Variants in NCAN observed in about 807,000 individuals in gnomAD.
NCAN encodes neurocan core protein.
NCAN carries 47 observed loss-of-function variants against 121.8 expected under a neutral mutation model. That is an observed-to-expected ratio of 0.39 (90% CI 0.31 to 0.49). The LOEUF is 0.49. NCAN is among the 20% of genes least tolerant of loss of function. The pLI, the probability that NCAN is intolerant of heterozygous loss-of-function variation, is 0.92. For synonymous variants in NCAN, 633 were observed against 702.0 expected (o/e 0.90, Z 1.55); for missense variants, 1,517 against 1,773.4 (o/e 0.86, Z 2.60).
chr19:19,221,224 C>T (rs997850457), intron 3 of NCAN, among the ~76,000 whole-genome samples: 1 of 145,460 alleles, frequency 6.9e-6, no homozygotes. Context: ...CTGGGCAACA[C>T]AGCAAGACCC....
chr19:19,217,063 A>C (rs1486267912), intron 2 of NCAN, 37 bp downstream of exon 2: 1 of 1,298,154 alleles, frequency 7.7e-7, no homozygotes, highest in Non-Finnish European at 9.9e-7. Context: ...ATTGGGGTCT[A>C]GGGGATGGAC....
intron 10 of NCAN, among the ~76,000 whole-genome samples, chr19:19,237,113 G>C (rs2060883759): frequency 1.3e-5 from 2 of 151,284 alleles, no homozygotes; most frequent in African/African-American, 4.9e-5. Context: ...AGTAGAGATG[G>C]GGCCAGGCTG....
In NCAN at chr19:19,228,122, G is replaced by A. The variant is rs1186441185; in HGVS notation, c.2502G>A (p.Thr834=). 14 of 1,613,540 alleles carry A rather than the reference G, an allele frequency of 8.7e-6. No individual in the cohort carries two copies. The highest frequency in any genetic ancestry group is 1.3e-5 in the African/African-American group (1 of 74,910). ...TGAATCCCATGGATTCCACAGTCAC[G>A]CCGGCCCCCAGTGATGCTAGTGGAA... ...PTVNPMDSTV[T]PAPSDASGIW... is the part of the protein sequence containing the mutation. The change falls in exon 8 of 15, where the codon ACG becomes ACA. Residue 834 remains threonine (T), a synonymous_variant. Coordinates refer to ENST00000252575, the MANE Select transcript of NCAN (RefSeq NM_004386.3).
At chr19:19,245,063 G>A (rs2060919466) in intron 12 of NCAN, among the ~76,000 whole-genome samples, 1 of 152,108 alleles carries the variant, frequency 6.6e-6, no homozygotes, top group South Asian at 2.1e-4. Flanking sequence ...AACTGGGTGC[G>A]GCCGGGCACC....
In NCAN at chr19:19,215,481, C is replaced by T. The variant is rs1012591527; in HGVS notation, c.-7-1466C>T. On this transcript the variant is annotated intron_variant, in intron 1 of 14. Transcript: ENST00000252575. ...TGGCATGGGCTTTGCTCACAGTAGG[C>T]GCTTAATAATTGTCCACTTTATCCC... 5.3e-5 allele frequency among the ~76,000 whole-genome samples: 8 copies of T among 152,256 alleles called. No homozygotes were observed. In the East Asian group the frequency reaches 1.3e-3, roughly 26 times the overall value.
Position 19,228,399 on chromosome 19 carries a change from G to A in NCAN, c.2779G>A (p.Ala927Thr). The change falls in exon 8 of 15, where the codon GCT (alanine) becomes ACT (threonine). Residue 927 changes from alanine to threonine, a missense_variant. Physicochemically the swap from Ala to Thr is moderately conservative, Grantham distance 58. Coordinates refer to ENST00000252575, the MANE Select transcript of NCAN (RefSeq NM_004386.3). ...TCAGAGCAGTCCCCTAGGGAAACCG[G>A]CTGTTCCTCCTGGGACACCGACTGC... is the stretch of plus-strand genomic sequence containing the variant. ...PHQSSPLGKP[A>T]VPPGTPTAAS... is the part of the protein sequence containing the mutation. 6.2e-7 allele frequency: 1 copy of A among 1,613,686 alleles called. No homozygotes were observed. Among genetic ancestry groups the A allele is most frequent in the Non-Finnish European group, 8.5e-7 (1 of 1,180,016 alleles).
At chr19:19,246,216 T>G (rs1449004066) in intron 13 of NCAN, among the ~76,000 whole-genome samples, 1 of 151,850 alleles carries the variant, frequency 6.6e-6, no homozygotes, top group Non-Finnish European at 1.5e-5. Context: ...TTTTATATTA[T>G]TAGTAGAGAC....
At chr19:19,216,380 C>T (rs1288291074) in intron 1 of NCAN, among the ~76,000 whole-genome samples, 1 of 151,616 alleles carries the variant, frequency 6.6e-6, no homozygotes, top group Non-Finnish European at 1.5e-5. Context: ...GGCGTGATCT[C>T]GGCTCACTGC....
At chr19:19,234,604 A>G (rs1051962885) in intron 9 of NCAN, among the ~76,000 whole-genome samples, 5 of 152,224 alleles carry the variant, frequency 3.3e-5, no homozygotes, top group Non-Finnish European at 7.3e-5. Flanking sequence ...ATGAATATCT[A>G]GCTTTACCCA....
At position 19,252,029 on chromosome 19, in the gene NCAN, TGTC is replaced by T. The variant is rs1205668722; in HGVS notation, c.*2119_*2121del. 6.6e-6 allele frequency: 1 copy of T among 152,576 alleles called. No individual in the cohort carries two copies. The highest frequency in any genetic ancestry group is 6.6e-5 in the Admixed American group (1 of 15,254). 9.5% of individuals were successfully genotyped at this position (152,576 alleles called of 1,614,324 possible). ...CTGGTCTTTTCTAAAGTGGGCGGTT[TGTC>T]TTTTGATCTTTCCCTTTTGGATGTG... On this transcript the variant is annotated 3_prime_UTR_variant, in exon 15 of 15. Transcript: ENST00000252575.
rs2060842462 is a variant in NCAN, at chr19:19,227,600, T to C, written c.1980T>C (p.His660=). ...CCGAGGCCAATAGAGTTGAGGCACA[T>C]GGTGAGGCCACCGCCACGGCTCCAC... is the stretch of plus-strand genomic sequence containing the variant. ...ISTEANRVEA[H]GEATATAPPS... The change falls in exon 8 of 15, where the codon CAT becomes CAC. Residue 660 remains histidine, a synonymous_variant. Transcript: ENST00000252575. The surrounding 1 kb of genome is among the most constrained non-coding windows in gnomAD (Gnocchi z 4.2). 4.3e-6 allele frequency: 7 copies of C among 1,613,706 alleles called. No individual in the cohort carries two copies. The East Asian group carries it at 1.1e-4, about 26-fold the overall frequency.
At chr19:19,244,580 A>T (rs1048228249) in intron 12 of NCAN, among the ~76,000 whole-genome samples, 2 of 151,914 alleles carry the variant, frequency 1.3e-5, no homozygotes, top group African/African-American at 4.8e-5. Context: ...AAGTGCTGGG[A>T]TTACAGGCAT....
At chr19:19,229,468 C>T (rs755253299) in intron 8 of NCAN, among the ~76,000 whole-genome samples, 67 of 152,256 alleles carry the variant, frequency 4.4e-4, no homozygotes, top group Non-Finnish European at 8.7e-4. Flanking sequence ...TGATTTGACT[C>T]GTGGGGGACC....
intron 6 of NCAN, 57 bp from the exon 7 acceptor site, chr19:19,226,429 C>T (rs2060837002): frequency 1.5e-5 from 21 of 1,373,226 alleles, no homozygotes; most frequent in Non-Finnish European, 2.1e-5. Context: ...AGACTTCAAG[C>T]AGAACTTCCC....
intron 13 of NCAN, 123 bp downstream of exon 13, chr19:19,245,580 C>A: frequency 8.7e-7 from 1 of 1,143,280 alleles, no homozygotes; most frequent in Non-Finnish European, 1.2e-6. Context: ...TGGGTTCAAG[C>A]CATCCTCCTG....
At position 19,240,475 on chromosome 19, in the gene NCAN, C is replaced by G. The variant is rs895842065; in HGVS notation, c.3410-128C>G. 3 of 823,848 alleles carry G rather than the reference C, an allele frequency of 3.6e-6. No individual in the cohort carries two copies. The African/African-American group carries it at 5.0e-5, about 14-fold the overall frequency. The allele number at this position is 823,848 out of a possible 1,614,324, so 51.0% of individuals were successfully genotyped here. A position where few individuals can be genotyped will look rare whatever the true frequency, so the allele number is the denominator to read the frequency against. On this transcript the variant is annotated intron_variant, in intron 11 of 14. Coordinates refer to ENST00000252575, the MANE Select transcript of NCAN (RefSeq NM_004386.3). ...TTCTAGATCTTTCCCCCCACCCAGC[C>G]CACCTCCAGGCTGGGGAAGGTGAGG...
intron 13 of NCAN, 113 bp downstream of exon 13, chr19:19,245,570 T>G: frequency 3.9e-6 from 5 of 1,285,966 alleles, no homozygotes; most frequent in African/African-American, 3.0e-5. Context: ...CTCCACCGCC[T>G]GGGTTCAAGC....
At chr19:19,247,036 T>C (rs984678059) in intron 13 of NCAN, among the ~76,000 whole-genome samples, 2 of 152,170 alleles carry the variant, frequency 1.3e-5, no homozygotes. Flanking sequence ...TATTTTTGTT[T>C]CCATTTCTTT....
intron 3 of NCAN, among the ~76,000 whole-genome samples, chr19:19,223,425 G>C (rs1052529295): frequency 6.6e-6 from 1 of 152,006 alleles, no homozygotes; most frequent in Non-Finnish European, 1.5e-5. Flanking sequence ...AATCAGATTT[G>C]TTGTAAGAGT....
Sources: allele counts gnomAD v4.1 joint callset (sites outside exome capture counted in the v4.1 genomes callset), GRCh38; gene constraint gnomAD v4.1.1; non-coding constraint Gnocchi (gnomAD v3.1); transcripts MANE v1.5; gene names NCBI Gene and HGNC (gene_info 2026-07-23, HGNC 2026-07-21).